SFSWAP: variants seen among roughly 807,000 people sequenced by gnomAD.
SFSWAP encodes the protein splicing factor, suppressor of white-apricot homolog.
A neutral mutation model predicts 100.7 loss-of-function variants in SFSWAP; 17 were observed. The ratio of observed to expected loss-of-function variants is 0.17; its 90% CI spans 0.12 to 0.25. The LOEUF (loss-of-function observed/expected upper bound fraction) is 0.25, where lower values mean the gene tolerates loss of function less well. Ranked by LOEUF, SFSWAP falls within the 10% of genes least tolerant of loss-of-function variation. The probability of loss-of-function intolerance (pLI) is 1.00; values close to 1 mark genes in which losing one functional copy is unlikely to be tolerated. For synonymous variants in SFSWAP, 504 were observed against 510.1 expected, an observed-to-expected ratio of 0.99 and a Z score of 0.16; for missense variants, 1,005 against 1,262.6, an observed-to-expected ratio of 0.80 and a Z score of 3.09.
intron 3 of SFSWAP, 69 bp from the exon 4 acceptor site, chr12:131,719,385 G>A (rs1272068567): frequency 1.8e-6 from 2 of 1,105,902 alleles, no homozygotes; most frequent in Non-Finnish European, 2.8e-6. Context: ...CTTCCATCTT[G>A]CTGCCTGCTG....
At chr12:131,741,075 C>G (rs1433683025) in intron 7 of SFSWAP, among the ~76,000 whole-genome samples, 1 of 139,370 alleles carries the variant, frequency 7.2e-6, no homozygotes, top group Non-Finnish European at 1.5e-5. Context: ...TGGGTTCAAG[C>G]AATTCTCTGC....
At chr12:131,782,005 G>A (rs914275616) in intron 14 of SFSWAP, among the ~76,000 whole-genome samples, 3 of 152,216 alleles carry the variant, frequency 2.0e-5, no homozygotes, top group African/African-American at 2.4e-5. Flanking sequence ...TGCAGAGACC[G>A]GCAGTGCCGT....
intron 10 of SFSWAP, among the ~76,000 whole-genome samples, chr12:131,756,188 T>C (rs1378977779): frequency 6.6e-6 from 1 of 152,066 alleles, no homozygotes; most frequent in Non-Finnish European, 1.5e-5. Flanking sequence ...TTCTGAGTAA[T>C]CAGTGTCCAA....
At chr12:131,784,105 G>A (rs1468112514) in intron 14 of SFSWAP, 2 of 152,088 alleles carry the variant, frequency 1.3e-5, no homozygotes, top group South Asian at 2.1e-4. Context: ...ATGCCAAGGT[G>A]AGGACCGTCG....
In SFSWAP at chr12:131,778,202, G is replaced by A. The variant is rs1393067688; in HGVS notation, c.2280G>A (p.Lys760=). 1.2e-6 allele frequency: 2 copies of A among 1,613,894 alleles called. No individual in the cohort carries two copies. Among genetic ancestry groups the A allele is most frequent in the South Asian group, 1.1e-5 (1 of 91,060 alleles). ...REEEKEKKKK[K]HKKRSRTRSR... ...AAGAGAAAGAAAAGAAAAAGAAAAA[G>A]CACAAAAAAAGATCTCGAACAAGAT... Residue 760 remains lysine (K), a synonymous_variant, in exon 14 of 18, where the codon AAG becomes AAA. Coordinates refer to ENST00000261674, the MANE Select transcript of SFSWAP (RefSeq NM_004592.4). The surrounding 1 kb of genome is among the most constrained non-coding windows in gnomAD (Gnocchi z 4.2).
intron 14 of SFSWAP, chr12:131,784,256 GAA>G (rs1309465346): frequency 6.6e-6 from 1 of 152,474 alleles, no homozygotes; most frequent in Admixed American, 6.5e-5. Context: ...AATTGCAGGT[GAA>G]ATCAGATCCA....
chr12:131,757,441 G>A (rs1202860091), intron 11 of SFSWAP: 1 of 152,400 alleles, frequency 6.6e-6, no homozygotes, highest in Non-Finnish European at 1.5e-5. Context: ...ACAGGCTTTA[G>A]GTCAGCGGAA....
chr12:131,733,036 C>T lies in SFSWAP; in HGVS notation c.1081+4608C>T, dbSNP rs770807199. On this transcript the variant is annotated intron_variant, in intron 7 of 17. Coordinates refer to ENST00000261674, the MANE Select transcript of SFSWAP (RefSeq NM_004592.4). The surrounding 1 kb of genome is among the most constrained non-coding windows in gnomAD (Gnocchi z 5.1). ...GAGGAGTTGCATGTGAGGGAGGAGG[C>T]GTGATTTAAAGCATGAAGAGAATCA... Among the ~76,000 whole-genome samples, 2 of 152,082 alleles carry T rather than the reference C, an allele frequency of 1.3e-5. No homozygotes were observed. The highest frequency in any genetic ancestry group is 2.4e-5 in the African/African-American group (1 of 41,408).
intron 7 of SFSWAP, among the ~76,000 whole-genome samples, chr12:131,741,201 C>T (rs1011555128): frequency 3.3e-5 from 5 of 152,000 alleles, no homozygotes; most frequent in South Asian, 2.1e-4. Flanking sequence ...CTCCTGACCT[C>T]GTGATCCACC....
rs1260997330 is a variant in SFSWAP at position 131,798,809 on chromosome 12, G to C, written c.2718-228G>C. ...GGAGGCTGAGGCAGGAGAATTGCTT[G>C]AATCTGGGAGGCAGAAGTTGCAGTG... On this transcript the variant is annotated intron_variant, in intron 16 of 17. Transcript: ENST00000261674. Among the ~76,000 whole-genome samples, 3 of 152,112 alleles carry C rather than the reference G, an allele frequency of 2.0e-5. No homozygotes were observed. In the East Asian group the frequency reaches 5.8e-4, roughly 29 times the overall value.
In SFSWAP at chr12:131,714,970, C is replaced by T; in HGVS notation, c.520+17C>T. On this transcript the variant is annotated intron_variant, in intron 3 of 17. Transcript: ENST00000261674. The surrounding 1 kb of genome is among the most constrained non-coding windows in gnomAD (Gnocchi z 6.0). ...AACAGAGAGGTGAGTGGGGAGCTGC[C>T]TGGACTGCTGGTGTAGGGCTACACG... 6.2e-7 allele frequency: 1 copy of T among 1,613,398 alleles called. No individual in the cohort carries two copies. The highest frequency in any genetic ancestry group is 8.5e-7 in the Non-Finnish European group (1 of 1,179,926).
chr12:131,775,293 C>T (rs1425106712), intron 13 of SFSWAP, among the ~76,000 whole-genome samples: 1 of 152,220 alleles, frequency 6.6e-6, no homozygotes, highest in African/African-American at 2.4e-5. Flanking sequence ...TCCTTCTCTT[C>T]AGCTCTCTCT....
intron 16 of SFSWAP, 42 bp from the exon 17 acceptor site, chr12:131,798,995 T>G (rs373129563): frequency 4.0e-6 from 6 of 1,517,454 alleles, no homozygotes; most frequent in African/African-American, 2.7e-5. Flanking sequence ...GCTCAGCATC[T>G]TCACACGGTT....
intron 14 of SFSWAP, chr12:131,785,158 C>A (rs1884798635): frequency 6.5e-7 from 1 of 1,535,710 alleles, no homozygotes; most frequent in African/African-American, 1.4e-5. Flanking sequence ...AGGAAGTTAT[C>A]AGGCAGCCTC....
chr12:131,751,127 G>C (rs531490202), intron 7 of SFSWAP, among the ~76,000 whole-genome samples: 1 of 152,230 alleles, frequency 6.6e-6, no homozygotes, highest in East Asian at 1.9e-4. Context: ...AACAGTCTGC[G>C]TGTTCTTTAA....
At chr12:131,780,912 A>G (rs1045869086) in intron 14 of SFSWAP, among the ~76,000 whole-genome samples, 4 of 152,118 alleles carry the variant, frequency 2.6e-5, no homozygotes, top group African/African-American at 9.7e-5. Flanking sequence ...CTCAGCTTTC[A>G]TGTGGGGAGT....
chr12:131,724,920 G>T (rs1178052166), intron 4 of SFSWAP, among the ~76,000 whole-genome samples: 1 of 152,194 alleles, frequency 6.6e-6, no homozygotes, highest in Non-Finnish European at 1.5e-5. Flanking sequence ...TGTGGCTTTT[G>T]TTGGATGTCC....
chr12:131,718,079 CAG>C (rs1467154687), intron 3 of SFSWAP, among the ~76,000 whole-genome samples: 1 of 152,188 alleles, frequency 6.6e-6, no homozygotes, highest in Non-Finnish European at 1.5e-5. Flanking sequence ...TTTGAAAGAA[CAG>C]GGGACTCAAA....
At chr12:131,721,369 A>G (rs2136182582) in intron 4 of SFSWAP, among the ~76,000 whole-genome samples, 1 of 152,322 alleles carries the variant, frequency 6.6e-6, no homozygotes, top group East Asian at 1.9e-4. Context: ...TTACCCAAAG[A>G]TTTGATATCC....
Sources: allele counts gnomAD v4.1 joint callset (sites outside exome capture counted in the v4.1 genomes callset), GRCh38; gene constraint gnomAD v4.1.1; non-coding constraint Gnocchi (gnomAD v3.1); transcripts MANE v1.5; gene names NCBI Gene and HGNC (gene_info 2026-07-23, HGNC 2026-07-21).